Variants in GABPA observed in about 807,000 individuals in gnomAD.
GABPA encodes the protein GA binding protein transcription factor subunit alpha, also known as GA-binding protein alpha chain.
A neutral mutation model predicts 59.4 loss-of-function variants in GABPA; 4 were observed. The ratio of observed to expected loss-of-function variants is 0.07; its 90% CI spans 0.03 to 0.15. GABPA has a LOEUF of 0.15. GABPA is among the 10% of genes least tolerant of loss of function. GABPA has a pLI of 1.00. For missense variants in GABPA, 251 were observed against 543.8 expected, an observed-to-expected ratio of 0.46 and a Z score of 5.36; for synonymous variants, 164 against 183.1, an observed-to-expected ratio of 0.90 and a Z score of 0.84.
intron 7 of GABPA, chr21:25,762,959 C>T (rs916998340): frequency 1.9e-5 from 7 of 371,284 alleles, no homozygotes; most frequent in Admixed American, 1.0e-4. Context: ...AACCCTTCGC[C>T]GCCTCCACTA....
intron 6 of GABPA, among the ~76,000 whole-genome samples, chr21:25,758,953 C>G (rs987197649): frequency 6.6e-6 from 1 of 152,048 alleles, no homozygotes; most frequent in African/African-American, 2.4e-5. Context: ...GTCTGTAGTC[C>G]TACCTACTTG....
At chr21:25,756,572 TTGTCC>T (rs1477439798) in intron 5 of GABPA, among the ~76,000 whole-genome samples, 1 of 152,234 alleles carries the variant, frequency 6.6e-6, no homozygotes, top group African/African-American at 2.4e-5. Context: ...TGCTTTCATC[TTGTCC>T]TGTTGTACTT....
Position 25,771,662 on chromosome 21 carries a change from G to T in GABPA, c.*2430G>T, listed in dbSNP as rs2036013435. On this transcript the variant is annotated 3_prime_UTR_variant, in exon 10 of 10. Coordinates refer to ENST00000400075, the MANE Select transcript of GABPA (RefSeq NM_002040.4). ...TATTCTTTGCTTTGTTTTTATAAAT[G>T]AATTTTTCATAGAATTTACAGTATA... 1 of 151,864 alleles carries T rather than the reference G, an allele frequency of 6.6e-6. No homozygotes were observed. Among genetic ancestry groups the T allele is most frequent in the Non-Finnish European group, 1.5e-5 (1 of 67,844 alleles). 9.4% of individuals were successfully genotyped at this position (151,864 alleles called of 1,614,324 possible).
chr21:25,738,187 C>T (rs772672711), intron 1 of GABPA, among the ~76,000 whole-genome samples: 1 of 152,182 alleles, frequency 6.6e-6, no homozygotes, highest in Admixed American at 6.5e-5. Flanking sequence ...GCTAACTGCT[C>T]TCGTTATTTA....
intron 5 of GABPA, among the ~76,000 whole-genome samples, chr21:25,752,872 C>A (rs1377658809): frequency 6.6e-6 from 1 of 152,136 alleles, no homozygotes; most frequent in Non-Finnish European, 1.5e-5. Context: ...ATAGTTGTGA[C>A]TGGATGATAA....
At chr21:25,749,297 C>T (rs1007259746) in intron 4 of GABPA, among the ~76,000 whole-genome samples, 177 bp downstream of exon 4, 12 of 152,148 alleles carry the variant, frequency 7.9e-5, no homozygotes, top group African/African-American at 2.9e-4. Context: ...TAGTACAACA[C>T]ATTCTACTTA....
chr21:25,740,316 A>G (rs566401426), intron 1 of GABPA, among the ~76,000 whole-genome samples: 3 of 152,384 alleles, frequency 2.0e-5, no homozygotes, highest in South Asian at 4.1e-4. Flanking sequence ...GAAATCTTGT[A>G]AGTGGGAGCA....
chr21:25,763,316 C>T, intron 7 of GABPA: 2 of 314,554 alleles, frequency 6.4e-6, no homozygotes, highest in South Asian at 7.2e-5. Flanking sequence ...TCCGCTTATG[C>T]CATAAGCTTT....
chr21:25,763,030 T>C (rs1233094724), intron 7 of GABPA: 2 of 364,508 alleles, frequency 5.5e-6, no homozygotes, highest in Non-Finnish European at 1.1e-5. Context: ...ATTCTTTACC[T>C]TTGATTCATC....
intron 7 of GABPA, chr21:25,763,322 G>A (rs992724897): frequency 1.3e-5 from 4 of 296,644 alleles, no homozygotes; most frequent in Middle Eastern, 2.5e-3. Flanking sequence ...TATGCCATAA[G>A]CTTTTAGCTA....
chr21:25,741,925 G>A (rs934817799), intron 2 of GABPA, among the ~76,000 whole-genome samples: 2 of 152,092 alleles, frequency 1.3e-5, no homozygotes, highest in Non-Finnish European at 2.9e-5. Flanking sequence ...CTCCTTTGGG[G>A]CATTTGATTC....
At chr21:25,751,746 G>A (rs1207756243) in intron 4 of GABPA, among the ~76,000 whole-genome samples, 1 of 151,740 alleles carries the variant, frequency 6.6e-6, no homozygotes, top group Non-Finnish European at 1.5e-5. Context: ...GATGTTTATA[G>A]GTAGGGTTTG....
chr21:25,749,560 G>A (rs941459586), intron 4 of GABPA, among the ~76,000 whole-genome samples: 2 of 152,186 alleles, frequency 1.3e-5, no homozygotes, highest in African/African-American at 2.4e-5. Flanking sequence ...TGCTGGCTGC[G>A]GGGGCTCACG....
At chr21:25,753,223 G>A (rs2035556251) in intron 5 of GABPA, among the ~76,000 whole-genome samples, 1 of 152,178 alleles carries the variant, frequency 6.6e-6, no homozygotes, top group African/African-American at 2.4e-5. Context: ...TTTTTTTCAA[G>A]AGAAGGTGGA....
intron 6 of GABPA, 62 bp downstream of exon 6, chr21:25,758,266 T>C: frequency 8.2e-7 from 1 of 1,214,966 alleles, no homozygotes; most frequent in East Asian, 2.5e-5. Context: ...TCCTTGTAAC[T>C]TTGTTTTCAT....
intron 7 of GABPA, among the ~76,000 whole-genome samples, chr21:25,762,602 C>G (rs2035791530): frequency 6.6e-6 from 1 of 152,158 alleles, no homozygotes; most frequent in Non-Finnish European, 1.5e-5. Flanking sequence ...TTTGTTAGGA[C>G]ATCATTTGTT....
At chr21:25,768,570 A>G (rs71651660) in intron 9 of GABPA, among the ~76,000 whole-genome samples, 5 of 152,234 alleles carry the variant, frequency 3.3e-5, no homozygotes, top group East Asian at 3.9e-4. Context: ...GGGTATAAGC[A>G]CTGTTAACCT....
At chr21:25,749,969 G>A (rs1568944161) in intron 4 of GABPA, among the ~76,000 whole-genome samples, 1 of 152,196 alleles carries the variant, frequency 6.6e-6, no homozygotes, top group Non-Finnish European at 1.5e-5. Context: ...ACATTATGGT[G>A]TGCTTTGTAT....
chr21:25,736,462 GTC>G (rs1256392025), intron 1 of GABPA, among the ~76,000 whole-genome samples: 1 of 152,134 alleles, frequency 6.6e-6, no homozygotes, highest in African/African-American at 2.4e-5. Context: ...GGACTAGCCT[GTC>G]TCTCAGGGTT....
Sources: gnomAD v4.1 joint callset for allele counts (sites outside exome capture counted in the v4.1 genomes callset) on GRCh38, gnomAD v4.1.1 for gene constraint, MANE v1.5 for transcripts, NCBI Gene and HGNC (gene_info 2026-07-23, HGNC 2026-07-21) for gene names.